CDK14: variants seen among roughly 807,000 people sequenced by gnomAD.
CDK14 encodes the protein cyclin dependent kinase 14, also known as cyclin-dependent kinase 14.
Under a neutral mutation model 60.7 loss-of-function variants are expected in CDK14, and 34 were observed. The observed-to-expected ratio is 0.56, with a 90% CI of 0.43 to 0.75. The LOEUF is 0.75. Among genes scored for constraint, CDK14 ranks in the 30% least tolerant of loss-of-function variants. The probability of loss-of-function intolerance (pLI) is 0.00; values close to 1 mark genes in which losing one functional copy is unlikely to be tolerated. For synonymous variants in CDK14, 197 were observed against 203.7 expected, an observed-to-expected ratio of 0.97 and a Z score of 0.28; for missense variants, 482 against 564.1, an observed-to-expected ratio of 0.85 and a Z score of 1.47.
intron 10 of CDK14, among the ~76,000 whole-genome samples, chr7:91,040,423 A>T (rs910158534): frequency 6.6e-6 from 1 of 152,166 alleles, no homozygotes; most frequent in African/African-American, 2.4e-5. Context: ...GCTAGAAAAA[A>T]ATCTTCCAGA....
At chr7:90,956,869 G>T (rs541264414) in intron 9 of CDK14, among the ~76,000 whole-genome samples, 7 of 151,404 alleles carry the variant, frequency 4.6e-5, no homozygotes, top group African/African-American at 1.7e-4. Flanking sequence ...GTGGTATTTG[G>T]TTTTTTGTTC....
chr7:91,112,768 A>G, intron 13 of CDK14, 87 bp downstream of exon 13: 1 of 1,397,796 alleles, frequency 7.2e-7, no homozygotes, highest in Non-Finnish European at 1.0e-6. Context: ...GCAGAGATTC[A>G]CATATTTGTG....
intron 2 of CDK14, among the ~76,000 whole-genome samples, chr7:90,644,720 A>C (rs886796779): frequency 6.6e-6 from 1 of 152,194 alleles, no homozygotes; most frequent in African/African-American, 2.4e-5. Flanking sequence ...ATGGGTAACA[A>C]TGTTTCTTGG....
intron 5 of CDK14, among the ~76,000 whole-genome samples, chr7:90,841,181 A>G (rs73399838): frequency 0.027 from 4,107 of 152,298 alleles, 173 homozygotes; most frequent in African/African-American, 0.092. Flanking sequence ...AATAAAAGTT[A>G]CAGGGAACTT....
At chr7:90,797,924 C>T (rs1240193522) in intron 5 of CDK14, among the ~76,000 whole-genome samples, 1 of 151,962 alleles carries the variant, frequency 6.6e-6, no homozygotes, top group Non-Finnish European at 1.5e-5. Flanking sequence ...GATTACAATT[C>T]AACATGAGAT....
At chr7:90,725,119 T>A (rs1802588023) in intron 2 of CDK14, among the ~76,000 whole-genome samples, 1 of 152,220 alleles carries the variant, frequency 6.6e-6, no homozygotes, top group Admixed American at 6.5e-5. Flanking sequence ...AACTTTTTGT[T>A]TCAAAAACTT....
chr7:90,753,063 G>A (rs1341078991), intron 4 of CDK14, among the ~76,000 whole-genome samples: 1 of 152,152 alleles, frequency 6.6e-6, no homozygotes, highest in African/African-American at 2.4e-5. Context: ...TACCAGAAGT[G>A]CAGAGAAGAG....
chr7:90,634,284 C>G (rs1006217692), intron 2 of CDK14, among the ~76,000 whole-genome samples: 1 of 101,386 alleles, frequency 9.9e-6, no homozygotes, highest in Non-Finnish European at 1.8e-5. Context: ...GTCCCTCCCC[C>G]CTCCCCCCAC....
At chr7:90,763,610 T>C (rs568530964) in intron 4 of CDK14, among the ~76,000 whole-genome samples, 354 of 144,086 alleles carry the variant, frequency 2.5e-3, no homozygotes, top group Admixed American at 6.0e-3. Context: ...TTTAGATCTC[T>C]CCTTGAGAAC....
At chr7:91,049,878 G>T (rs1168121987) in intron 11 of CDK14, among the ~76,000 whole-genome samples, 1 of 152,202 alleles carries the variant, frequency 6.6e-6, no homozygotes, top group East Asian at 1.9e-4. Flanking sequence ...ATATTGGGTG[G>T]TGATAAGTAC....
intron 6 of CDK14, among the ~76,000 whole-genome samples, chr7:90,886,340 T>C (rs979551291): frequency 3.9e-5 from 6 of 152,226 alleles, no homozygotes; most frequent in Admixed American, 1.3e-4. Context: ...GCCTACTAAT[T>C]TGTTTTGAAG....
At chr7:90,998,184 T>C (rs1258009345) in intron 10 of CDK14, among the ~76,000 whole-genome samples, 9 of 152,206 alleles carry the variant, frequency 5.9e-5, no homozygotes, top group Non-Finnish European at 1.3e-4. Context: ...AAAAAATATT[T>C]TAGATGAATA....
chr7:90,930,366 T>G (rs1793551535), intron 8 of CDK14, among the ~76,000 whole-genome samples: 1 of 152,170 alleles, frequency 6.6e-6, no homozygotes, highest in Non-Finnish European at 1.5e-5. Flanking sequence ...ATCAGTTCCC[T>G]ACATTTTGTC....
At chr7:91,154,441 T>G (rs1022998555) in intron 14 of CDK14, among the ~76,000 whole-genome samples, 3 of 152,128 alleles carry the variant, frequency 2.0e-5, no homozygotes, top group Non-Finnish European at 4.4e-5. Context: ...AAGATACACT[T>G]TCAGAAATTT....
At chr7:90,978,004 G>A (rs1230548229) in intron 9 of CDK14, among the ~76,000 whole-genome samples, 1 of 152,242 alleles carries the variant, frequency 6.6e-6, no homozygotes, top group East Asian at 1.9e-4. Flanking sequence ...TGGGGCTGGG[G>A]CTGTAAGGAG....
At chr7:90,975,262 A>G (rs567091631) in intron 9 of CDK14, among the ~76,000 whole-genome samples, 1 of 152,200 alleles carries the variant, frequency 6.6e-6, no homozygotes, top group East Asian at 1.9e-4. Context: ...AGTAGTTTCA[A>G]TAAATCTTTT....
intron 8 of CDK14, among the ~76,000 whole-genome samples, chr7:90,935,314 A>G (rs1584141448): frequency 6.6e-6 from 1 of 152,262 alleles, no homozygotes; most frequent in African/African-American, 2.4e-5. Flanking sequence ...TTGAGAATTG[A>G]TAAACATTCA....
chr7:90,858,035 A>G (rs932135512), intron 5 of CDK14, among the ~76,000 whole-genome samples: 1 of 152,198 alleles, frequency 6.6e-6, no homozygotes, highest in Non-Finnish European at 1.5e-5. Flanking sequence ...AGATGTTGGT[A>G]TTTATTTAAC....
chr7:90,807,925 A>C (rs1788924158), intron 5 of CDK14, among the ~76,000 whole-genome samples: 1 of 152,186 alleles, frequency 6.6e-6, no homozygotes, highest in Non-Finnish European at 1.5e-5. Context: ...AAAAAGAATA[A>C]AAAGAAATGA....
Sources: allele counts gnomAD v4.1 joint callset (sites outside exome capture counted in the v4.1 genomes callset), GRCh38; gene constraint gnomAD v4.1.1; transcripts MANE v1.5; gene names NCBI Gene and HGNC (gene_info 2026-07-23, HGNC 2026-07-21).